PDE12: variants seen among roughly 807,000 people sequenced by gnomAD.
PDE12 encodes phosphodiesterase 12, also known as 2',5'-phosphodiesterase 12.
PDE12 carries 26 observed loss-of-function variants against 45.4 expected under a neutral mutation model. The ratio of observed to expected loss-of-function variants is 0.57; its 90% CI spans 0.42 to 0.79. The LOEUF (loss-of-function observed/expected upper bound fraction) is 0.79. Ranked by LOEUF, PDE12 falls within the 30% of genes least tolerant of loss-of-function variation. The probability of loss-of-function intolerance (pLI) is 0.00; values close to 1 mark genes in which losing one functional copy is unlikely to be tolerated. For synonymous variants in PDE12, 283 were observed against 323.9 expected (o/e 0.87, Z 1.36); for missense variants, 668 against 790.0 (o/e 0.85, Z 1.85).
At chr3:57,624,567 C>G in the PDE12 span, among the ~76,000 whole-genome samples, 2 of 151,728 alleles carry the variant, frequency 1.3e-5, no homozygotes, top group African/African-American at 4.8e-5. Flanking sequence ...AGTTCGAGAC[C>G]AGCCTGGCCA....
the PDE12 span, among the ~76,000 whole-genome samples, chr3:57,581,297 C>A: frequency 6.6e-6 from 1 of 152,092 alleles, no homozygotes; most frequent in African/African-American, 2.4e-5. Flanking sequence ...AAAGCTTTCC[C>A]CAGCTAGCAT....
chr3:57,593,834 G>C, the PDE12 span, among the ~76,000 whole-genome samples: 1 of 152,072 alleles, frequency 6.6e-6, no homozygotes, highest in African/African-American at 2.4e-5. Flanking sequence ...CCCAAGAACA[G>C]GCAAGATAGT....
the PDE12 span, among the ~76,000 whole-genome samples, chr3:57,574,098 C>A: frequency 6.6e-6 from 1 of 152,116 alleles, no homozygotes; most frequent in Non-Finnish European, 1.5e-5. Flanking sequence ...CCTGCCACTG[C>A]ACCTAATTTT....
At chr3:57,632,097 G>A in the PDE12 span, among the ~76,000 whole-genome samples, 2 of 145,440 alleles carry the variant, frequency 1.4e-5, no homozygotes, top group African/African-American at 5.1e-5. Context: ...TCAGCTCACT[G>A]CAACCTCCGC....
At chr3:57,643,337 G>T in the PDE12 span, among the ~76,000 whole-genome samples, 1 of 152,074 alleles carries the variant, frequency 6.6e-6, no homozygotes, top group East Asian at 1.9e-4. Flanking sequence ...AAATAATTCA[G>T]TTTGCACATG....
At chr3:57,624,935 T>C in the PDE12 span, among the ~76,000 whole-genome samples, 6 of 152,146 alleles carry the variant, frequency 3.9e-5, no homozygotes, top group Non-Finnish European at 7.4e-5. Flanking sequence ...GGTCTTGCTC[T>C]GTCACCCAGG....
the PDE12 span, among the ~76,000 whole-genome samples, chr3:57,637,780 G>C: frequency 1.5e-5 from 2 of 135,962 alleles, no homozygotes; most frequent in Non-Finnish European, 3.2e-5. Flanking sequence ...AAAAAAAAAA[G>C]CAGAAGAAAA....
chr3:57,557,278 A>T lies in PDE12; in HGVS notation c.899A>T (p.Tyr300Phe). The change falls in exon 1 of 3, where the codon TAC becomes TTC. Residue 300 changes from tyrosine (Y) to phenylalanine (F), a missense_variant. Tyr to Phe is a conservative substitution (Grantham distance 22, BLOSUM62 3). Around this residue, in one of 3 missense-constraint regions of PDE12, gnomAD observed 580 missense variants for 662.9 expected, o/e 0.87. Coordinates refer to ENST00000311180, the MANE Select transcript of PDE12 (RefSeq NM_177966.7). ...TEDALIRTVS[Y>F]NILADTYAQT... ...GACGCTCTCATCCGCACTGTCTCTT[A>T]CAACATCCTGGCAGACACGTACGCG... The T allele has an allele frequency of 6.2e-7, 1 of 1,613,886 alleles. No homozygotes were observed. Among genetic ancestry groups the T allele is most frequent in the Non-Finnish European group, 8.5e-7 (1 of 1,180,008 alleles).
the PDE12 span, among the ~76,000 whole-genome samples, chr3:57,609,665 C>T: frequency 6.6e-6 from 1 of 152,132 alleles, no homozygotes; most frequent in East Asian, 1.9e-4. Context: ...ACACATACAC[C>T]CTCCCAAGAC....
chr3:57,569,632 A>C (rs2069816759), downstream of PDE12, among the ~76,000 whole-genome samples: 1 of 152,012 alleles, frequency 6.6e-6, no homozygotes, highest in African/African-American at 2.4e-5. Flanking sequence ...CCAGGATTAC[A>C]GATGTGAGCC....
At chr3:57,587,237 T>G in the PDE12 span, among the ~76,000 whole-genome samples, 1 of 149,558 alleles carries the variant, frequency 6.7e-6, no homozygotes, top group Non-Finnish European at 1.5e-5. Context: ...GAGACTCGCT[T>G]GAACCCAGGA....
intron 1 of PDE12, 65 bp from the exon 2 acceptor site, chr3:57,559,245 A>G (rs2069700184): frequency 7.4e-7 from 1 of 1,349,918 alleles, no homozygotes; most frequent in African/African-American, 1.5e-5. Context: ...ACAAACAAAC[A>G]AACAAAAACA....
chr3:57,578,544 A>G, the PDE12 span, among the ~76,000 whole-genome samples: 3 of 151,974 alleles, frequency 2.0e-5, no homozygotes. Context: ...CAGTAGCACA[A>G]TCTTGGCTCA....
At chr3:57,624,678 G>A in the PDE12 span, among the ~76,000 whole-genome samples, 3 of 151,396 alleles carry the variant, frequency 2.0e-5, no homozygotes, top group Admixed American at 6.6e-5. Context: ...GCAGGAGGAC[G>A]GCTTCAACCT....
the PDE12 span, among the ~76,000 whole-genome samples, chr3:57,631,678 A>G: frequency 2.0e-5 from 3 of 150,078 alleles, no homozygotes; most frequent in African/African-American, 7.4e-5. Flanking sequence ...TACAATTTAG[A>G]CTTGAAATGA....
chr3:57,627,493 A>T, the PDE12 span: 2 of 152,138 alleles, frequency 1.3e-5, no homozygotes, highest in Non-Finnish European at 2.9e-5. Flanking sequence ...TTCCATCATT[A>T]ATACTAGATG....
At chr3:57,604,627 G>GGGA in the PDE12 span, among the ~76,000 whole-genome samples, 1 of 40,464 alleles carries the variant, frequency 2.5e-5, no homozygotes, top group East Asian at 4.6e-4. Flanking sequence ...TGGGGGGGGT[G>GGGA]GGTGGGACAG....
chr3:57,652,529 G>A, the PDE12 span, among the ~76,000 whole-genome samples: 2 of 152,192 alleles, frequency 1.3e-5, no homozygotes, highest in Non-Finnish European at 2.9e-5. Context: ...CTCAGAAACT[G>A]TGTGAAATAA....
the PDE12 span, among the ~76,000 whole-genome samples, chr3:57,632,044 G>A: frequency 0.014 from 1,665 of 121,140 alleles, 40 homozygotes; most frequent in African/African-American, 0.049. Context: ...TTTTTGAGAC[G>A]GAGTCTCACT....
Sources: gnomAD v4.1 joint callset for allele counts (sites outside exome capture counted in the v4.1 genomes callset) on GRCh38, gnomAD v4.1.1 for gene constraint, gnomAD v4.1.1 regional missense constraint, MANE v1.5 for transcripts, NCBI Gene and HGNC (gene_info 2026-07-23, HGNC 2026-07-21) for gene names.